Variants in IGSF5 observed in about 807,000 individuals in gnomAD.
IGSF5 encodes immunoglobulin superfamily 5 like.
Under a neutral mutation model 39.4 loss-of-function variants are expected in IGSF5, and 41 were observed. The observed-to-expected ratio is 1.04, with a 90% CI of 0.81 to 1.35. The LOEUF (loss-of-function observed/expected upper bound fraction) is 1.35. Among genes scored for constraint, IGSF5 ranks in the 40% most tolerant of loss-of-function variants. The pLI, the probability that IGSF5 is intolerant of heterozygous loss-of-function variation, is 0.00. For synonymous variants in IGSF5, 183 were observed against 175.3 expected (o/e 1.04, Z -0.34); for missense variants, 487 against 494.6 (o/e 0.98, Z 0.15).
Position 39,775,951 on chromosome 21 carries a change from G to C in IGSF5, c.719-3139G>C, listed in dbSNP as rs139572130. Among the ~76,000 whole-genome samples, 32 of 152,294 alleles carry C rather than the reference G, an allele frequency of 2.1e-4. 1 individual carries two copies. The highest frequency in any genetic ancestry group is 5.5e-4 in the African/African-American group (23 of 41,566). On this transcript the variant is annotated intron_variant, in intron 4 of 8. Coordinates refer to ENST00000380588, the MANE Select transcript of IGSF5 (RefSeq NM_001080444.2). ...AAAGATATGAGCCAGTGGCCCTGTG[G>C]CTTCCTGTTCTGGGCTCCCTGTGCC...
the IGSF5 span, among the ~76,000 whole-genome samples, chr21:39,728,171 G>T: frequency 3.8e-3 from 571 of 152,230 alleles, 3 homozygotes; most frequent in African/African-American, 0.013. Flanking sequence ...TCCCCAAAAA[G>T]ATATGTTCAC....
At chr21:39,742,616 G>A (rs1430341896), upstream of IGSF5, among the ~76,000 whole-genome samples, 1 of 152,194 alleles carries the variant, frequency 6.6e-6, no homozygotes, top group Non-Finnish European at 1.5e-5. Context: ...GACATAAGGG[G>A]CATGGACAAG....
At chr21:39,758,068 CAT>C (rs551438322) in intron 2 of IGSF5, among the ~76,000 whole-genome samples, 321 of 152,254 alleles carry the variant, frequency 2.1e-3, no homozygotes, top group Non-Finnish European at 4.0e-3. Context: ...CCAGGAAGAA[CAT>C]ATGGAGGTGC....
the IGSF5 span, chr21:39,730,687 G>A: frequency 1.8e-4 from 28 of 152,158 alleles, no homozygotes; most frequent in African/African-American, 1.9e-4. Flanking sequence ...CCATGTTGAC[G>A]TGCCAAAAAT....
intron 8 of IGSF5, among the ~76,000 whole-genome samples, chr21:39,798,295 T>C (rs1781844029): frequency 1.3e-5 from 2 of 152,208 alleles, no homozygotes; most frequent in African/African-American, 2.4e-5. Flanking sequence ...CCCTGCACGA[T>C]GGGTACTCAG....
At chr21:39,792,737 A>G (rs1156852420) in intron 7 of IGSF5, among the ~76,000 whole-genome samples, 1 of 152,058 alleles carries the variant, frequency 6.6e-6, no homozygotes, top group African/African-American at 2.4e-5. Context: ...GTAGTATCTC[A>G]TTTTCTTGCT....
At chr21:39,760,133 G>A (rs998847425) in intron 2 of IGSF5, among the ~76,000 whole-genome samples, 3 of 152,094 alleles carry the variant, frequency 2.0e-5, no homozygotes, top group African/African-American at 7.2e-5. Flanking sequence ...ACCTGTGTGT[G>A]CACCCATAAG....
the IGSF5 span, among the ~76,000 whole-genome samples, chr21:39,717,612 G>T: frequency 6.6e-6 from 1 of 152,134 alleles, no homozygotes; most frequent in Non-Finnish European, 1.5e-5. Flanking sequence ...TTTCCGCATT[G>T]CTTGCTTTTG....
At chr21:39,764,673 A>T (rs537311052) in intron 2 of IGSF5, among the ~76,000 whole-genome samples, 2 of 152,244 alleles carry the variant, frequency 1.3e-5, no homozygotes, top group Non-Finnish European at 2.9e-5. Flanking sequence ...GGCAGAAGGA[A>T]AGGGAGGAGC....
At chr21:39,799,976 G>A (rs2087019909) in intron 8 of IGSF5, among the ~76,000 whole-genome samples, 1 of 152,130 alleles carries the variant, frequency 6.6e-6, no homozygotes, top group Admixed American at 6.5e-5. Flanking sequence ...TCTACAGTTA[G>A]AATATGTAGT....
intron 4 of IGSF5, 23 bp downstream of exon 4, chr21:39,771,238 A>G: frequency 6.6e-7 from 1 of 1,503,996 alleles, no homozygotes; most frequent in East Asian, 2.3e-5. Context: ...ATTCTGCTTT[A>G]TATGAAATGA....
chr21:39,783,545 A>C (rs1199949370), intron 5 of IGSF5, among the ~76,000 whole-genome samples: 2 of 152,130 alleles, frequency 1.3e-5, no homozygotes, highest in Non-Finnish European at 2.9e-5. Context: ...GTCTGTTCAG[A>C]CCATTAACTC....
rs548105536 is a variant in IGSF5, at chr21:39,786,834, C to T, written c.935-1333C>T. On this transcript the variant is annotated intron_variant, in intron 5 of 8. Coordinates refer to ENST00000380588, the MANE Select transcript of IGSF5 (RefSeq NM_001080444.2). ...GGACATGGATGAAATTGGAAATCAT[C>T]ATTCTCAGTAAACTATCGCAAGAAC... 5.0e-4 allele frequency among the ~76,000 whole-genome samples: 76 copies of T among 152,210 alleles called. No homozygotes were observed. The East Asian group carries it at 0.01, about 21-fold the overall frequency.
At chr21:39,761,303 A>G (rs2080060543) in intron 2 of IGSF5, among the ~76,000 whole-genome samples, 1 of 152,260 alleles carries the variant, frequency 6.6e-6, no homozygotes, top group African/African-American at 2.4e-5. Flanking sequence ...TGAAAATCCT[A>G]GAAGAAAACC....
the IGSF5 span, among the ~76,000 whole-genome samples, chr21:39,717,833 G>T: frequency 6.6e-6 from 1 of 151,950 alleles, no homozygotes; most frequent in Non-Finnish European, 1.5e-5. Flanking sequence ...GCTCTTTTTT[G>T]GTTCCATATA....
chr21:39,776,247 T>C lies in IGSF5; in HGVS notation c.719-2843T>C, dbSNP rs552435412. 1.3e-4 allele frequency among the ~76,000 whole-genome samples: 20 copies of C among 151,986 alleles called. 1 individual carries two copies. The South Asian group carries it at 1.7e-3, about 13-fold the overall frequency. ...TTATATATGATAAATTTTAAATGGT[T>C]ATGAAAATAAGAAAGGTCTATCTTT... On this transcript the variant is annotated intron_variant, in intron 4 of 8. Coordinates refer to ENST00000380588, the MANE Select transcript of IGSF5 (RefSeq NM_001080444.2).
intron 4 of IGSF5, among the ~76,000 whole-genome samples, chr21:39,773,079 A>G (rs2080122793): frequency 6.6e-6 from 1 of 152,122 alleles, no homozygotes; most frequent in African/African-American, 2.4e-5. Context: ...TGACCTATGT[A>G]CTAAGCCTAG....
At chr21:39,775,084 T>TA (rs1387365024) in intron 4 of IGSF5, among the ~76,000 whole-genome samples, 3 of 151,916 alleles carry the variant, frequency 2.0e-5, no homozygotes, top group South Asian at 2.1e-4. Flanking sequence ...ATTGCAATTG[T>TA]AAAAAAAGTT....
At chr21:39,788,877 C>A (rs985974255) in intron 6 of IGSF5, among the ~76,000 whole-genome samples, 1 of 152,164 alleles carries the variant, frequency 6.6e-6, no homozygotes, top group African/African-American at 2.4e-5. Flanking sequence ...ATGTAGTTAT[C>A]AGTATTTTAT....
Sources: allele counts gnomAD v4.1 joint callset (sites outside exome capture counted in the v4.1 genomes callset), GRCh38; gene constraint gnomAD v4.1.1; transcripts MANE v1.5; gene names NCBI Gene and HGNC (gene_info 2026-07-23, HGNC 2026-07-21).